DPYD: variants seen among roughly 807,000 people sequenced by gnomAD.
DPYD encodes the protein dihydropyrimidine dehydrogenase.
Under a neutral mutation model 116.2 loss-of-function variants are expected in DPYD, and 109 were observed. That is an observed-to-expected ratio of 0.94 (90% CI 0.80 to 1.10). DPYD has a LOEUF of 1.10. DPYD is among the 50% of genes least tolerant of loss of function. DPYD has a pLI of 0.00. For synonymous variants in DPYD, 440 were observed against 432.0 expected (o/e 1.02, Z -0.23); for missense variants, 1,302 against 1,254.5 (o/e 1.04, Z -0.57).
chr1:97,259,011 C>A (rs538035398), intron 18 of DPYD, among the ~76,000 whole-genome samples: 36 of 152,054 alleles, frequency 2.4e-4, no homozygotes, highest in African/African-American at 8.4e-4. Flanking sequence ...CAGGTTAATG[C>A]CATTTACTGT....
intron 19 of DPYD, among the ~76,000 whole-genome samples, chr1:97,225,654 C>A (rs1369805620): frequency 6.7e-6 from 1 of 149,796 alleles, no homozygotes; most frequent in African/African-American, 2.5e-5. Context: ...AATATTTTTC[C>A]AAATCCATAG....
At chr1:97,848,815 G>T (rs927132509) in intron 2 of DPYD, among the ~76,000 whole-genome samples, 1 of 152,088 alleles carries the variant, frequency 6.6e-6, no homozygotes, top group Non-Finnish European at 1.5e-5. Flanking sequence ...ATGAAGAAAG[G>T]TTTCGGGATT....
At chr1:97,334,647 G>T (rs1471213284) in intron 16 of DPYD, among the ~76,000 whole-genome samples, 1 of 152,166 alleles carries the variant, frequency 6.6e-6, no homozygotes, top group African/African-American at 2.4e-5. Flanking sequence ...GTTGGCTTTG[G>T]ATCAACTAAG....
intron 20 of DPYD, among the ~76,000 whole-genome samples, chr1:97,177,996 C>A (rs559460409): frequency 6.6e-6 from 1 of 152,012 alleles, no homozygotes; most frequent in South Asian, 2.1e-4. Flanking sequence ...TTTATAAGGA[C>A]GCTAATTTTA....
At chr1:97,353,849 A>G (rs11165845) in intron 16 of DPYD, among the ~76,000 whole-genome samples, 90,219 of 152,032 alleles carry the variant, frequency 0.59, 28,688 homozygotes, top group Non-Finnish European at 0.72. Flanking sequence ...ATCTATCAAT[A>G]ATTTCTGTGA....
intron 8 of DPYD, among the ~76,000 whole-genome samples, chr1:97,655,804 C>T (rs1414050039): frequency 6.6e-6 from 1 of 152,080 alleles, no homozygotes; most frequent in African/African-American, 2.4e-5. Flanking sequence ...CTCATGTTAG[C>T]TTGTGTTGTG....
intron 8 of DPYD, among the ~76,000 whole-genome samples, chr1:97,675,719 G>A (rs974443664): frequency 6.6e-6 from 1 of 151,486 alleles, no homozygotes; most frequent in Non-Finnish European, 1.5e-5. Context: ...TAATAACTAT[G>A]GCATTTCCAA....
chr1:97,216,104 A>G (rs1660375482), intron 19 of DPYD, among the ~76,000 whole-genome samples: 1 of 151,994 alleles, frequency 6.6e-6, no homozygotes, highest in African/African-American at 2.4e-5. Context: ...TTCAACTGGA[A>G]TTTTCTCTAA....
intron 13 of DPYD, among the ~76,000 whole-genome samples, chr1:97,514,558 G>A (rs1239945048): frequency 1.3e-5 from 2 of 151,310 alleles, no homozygotes; most frequent in Non-Finnish European, 3.0e-5. Context: ...ATTCTACAAG[G>A]TTATAAACAA....
intron 20 of DPYD, among the ~76,000 whole-genome samples, chr1:97,113,422 G>A (rs1015351061): frequency 5.3e-5 from 8 of 152,060 alleles, no homozygotes; most frequent in African/African-American, 1.7e-4. Context: ...AATCCATTTC[G>A]TAGAGGAAGA....
chr1:97,786,994 G>T (rs555994567), intron 3 of DPYD, among the ~76,000 whole-genome samples: 1 of 152,002 alleles, frequency 6.6e-6, no homozygotes, highest in Non-Finnish European at 1.5e-5. Flanking sequence ...TATTTCTCTG[G>T]CTTTGAGGAA....
intron 13 of DPYD, among the ~76,000 whole-genome samples, chr1:97,505,779 G>A (rs1647282218): frequency 6.6e-6 from 1 of 151,874 alleles, no homozygotes. Context: ...TTTCTTTAAT[G>A]ACATTTTAAG....
At position 97,334,658 on chromosome 1, in the gene DPYD, C is replaced by G. The variant is rs1669193332; in HGVS notation, c.2059-28361G>C. 2.0e-5 allele frequency among the ~76,000 whole-genome samples: 3 copies of G among 152,284 alleles called. 1 individual carries two copies. The South Asian group carries it at 6.2e-4, about 32-fold the overall frequency. ...GAATGTTGGCTTTGGATCAACTAAG[C>G]CTCTGCTTTCCTGGCTCTGTTGAAT... is the stretch of plus-strand genomic sequence containing the variant. On this transcript the variant is annotated intron_variant, in intron 16 of 22. Transcript: ENST00000370192.
intron 1 of DPYD, among the ~76,000 whole-genome samples, chr1:97,904,383 C>T (rs779907469): frequency 2.6e-5 from 4 of 151,838 alleles, no homozygotes; most frequent in Non-Finnish European, 5.9e-5. Flanking sequence ...TATACCTTCC[C>T]AAAATATGAA....
chr1:97,306,264 C>G lies in DPYD; in HGVS notation c.2092G>C (p.Val698Leu). Residue 698 changes from valine (V) to leucine (L), a missense_variant, in exon 17 of 23, where the codon GTT becomes CTT. Coordinates refer to ENST00000370192, the MANE Select transcript of DPYD (RefSeq NM_000110.4). ...PELVRNICRW[V>L]RQAVQIPFFA... ...AAAGGAATCTGAACAGCTTGCCTAACCCAGCGGCAGATGTTCCGCACCAGC... is the reference window on the plus strand; with the variant it reads ...AAAGGAATCTGAACAGCTTGCCTAAGCCAGCGGCAGATGTTCCGCACCAGC... 1 of 1,612,422 alleles carries G rather than the reference C, an allele frequency of 6.2e-7. No homozygotes were observed.
intron 11 of DPYD, among the ~76,000 whole-genome samples, chr1:97,561,374 C>T (rs1459683960): frequency 6.6e-6 from 1 of 152,108 alleles, no homozygotes; most frequent in Non-Finnish European, 1.5e-5. Context: ...GAATAAGTCA[C>T]TTCATTCTTT....
At chr1:97,114,170 C>T (rs774894286) in intron 20 of DPYD, among the ~76,000 whole-genome samples, 37 of 152,182 alleles carry the variant, frequency 2.4e-4, no homozygotes, top group Middle Eastern at 3.4e-3. Flanking sequence ...TCCCAGAAAA[C>T]GATGAGTGAC....
chr1:97,089,823 GTTTGTTT>G (rs1557856545), intron 21 of DPYD, among the ~76,000 whole-genome samples: 1 of 27,392 alleles, frequency 3.7e-5, no homozygotes, highest in Non-Finnish European at 9.1e-5. Context: ...AGGCCATTTT[GTTTGTTT>G]TTTTTTTTTT....
At chr1:97,378,087 C>T (rs1369238115) in intron 15 of DPYD, among the ~76,000 whole-genome samples, 2 of 152,314 alleles carry the variant, frequency 1.3e-5, no homozygotes, top group Middle Eastern at 3.4e-3. Context: ...CTAGTCTCAA[C>T]TATTCAAAAC....
Sources: gnomAD v4.1 joint callset for allele counts (sites outside exome capture counted in the v4.1 genomes callset) on GRCh38, gnomAD v4.1.1 for gene constraint, MANE v1.5 for transcripts, NCBI Gene and HGNC (gene_info 2026-07-23, HGNC 2026-07-21) for gene names.